Variants in RABGAP1L observed in about 807,000 individuals in gnomAD.
RABGAP1L encodes RAB GTPase activating protein 1 like, also known as rab GTPase-activating protein 1-like.
A neutral mutation model predicts 137.7 loss-of-function variants in RABGAP1L; 63 were observed. That is an observed-to-expected ratio of 0.46 (90% CI 0.37 to 0.56). RABGAP1L has a LOEUF of 0.56. RABGAP1L is among the 20% of genes least tolerant of loss of function. The pLI is 0.00. For synonymous variants in RABGAP1L, 431 were observed against 433.7 expected (o/e 0.99, Z 0.08); for missense variants, 1,095 against 1,244.0 (o/e 0.88, Z 1.80).
chr1:174,787,415 A>T (rs940987239), intron 18 of RABGAP1L, among the ~76,000 whole-genome samples: 9 of 152,136 alleles, frequency 5.9e-5, no homozygotes, highest in Admixed American at 2.6e-4. Flanking sequence ...AAAAAAAAAA[A>T]AAAAAATAAG....
intron 14 of RABGAP1L, among the ~76,000 whole-genome samples, chr1:174,646,426 A>T (rs529991539): frequency 6.6e-6 from 1 of 152,278 alleles, no homozygotes; most frequent in East Asian, 1.9e-4. Context: ...AGTTTTCTGC[A>T]TATGGCTAGC....
intron 4 of RABGAP1L, among the ~76,000 whole-genome samples, chr1:174,239,542 ACT>A (rs1451853527): frequency 6.6e-6 from 1 of 150,962 alleles, no homozygotes; most frequent in East Asian, 1.9e-4. Context: ...ATATCATGTA[ACT>A]CTCTTTCCTC....
chr1:174,946,984 ATATATG>A (rs1666982581), intron 19 of RABGAP1L, among the ~76,000 whole-genome samples: 1 of 127,894 alleles, frequency 7.8e-6, no homozygotes, highest in African/African-American at 3.0e-5. Context: ...GTGTGTGTAT[ATATATG>A]TATATATATA....
At chr1:174,189,773 A>G (rs2148331658) in intron 1 of RABGAP1L, among the ~76,000 whole-genome samples, 1 of 152,228 alleles carries the variant, frequency 6.6e-6, no homozygotes, top group Non-Finnish European at 1.5e-5. Context: ...GTTTGAGACC[A>G]GTCTGGGCAA....
intron 19 of RABGAP1L, among the ~76,000 whole-genome samples, chr1:174,852,546 G>C (rs779029431): frequency 4.6e-5 from 7 of 152,174 alleles, no homozygotes; most frequent in African/African-American, 1.7e-4. Context: ...GGGCATGGTG[G>C]CTCACACCTG....
chr1:174,371,993 C>T (rs1685148700), intron 12 of RABGAP1L, among the ~76,000 whole-genome samples: 1 of 152,032 alleles, frequency 6.6e-6, no homozygotes, highest in African/African-American at 2.4e-5. Context: ...TTAGGTTTAT[C>T]AAATTTGGAC....
At chr1:174,973,434 G>C (rs952664701) in intron 21 of RABGAP1L, among the ~76,000 whole-genome samples, 2 of 148,550 alleles carry the variant, frequency 1.3e-5, no homozygotes, top group African/African-American at 2.5e-5. Context: ...GTCCAGGCTG[G>C]AGTGCAATAG....
At chr1:174,915,629 G>A (rs533812200) in intron 19 of RABGAP1L, among the ~76,000 whole-genome samples, 1 of 152,248 alleles carries the variant, frequency 6.6e-6, no homozygotes, top group Admixed American at 6.5e-5. Flanking sequence ...GCTAATTTTT[G>A]TATTTTTAGT....
chr1:174,493,359 T>C (rs1478362019), intron 13 of RABGAP1L, among the ~76,000 whole-genome samples: 1 of 150,930 alleles, frequency 6.6e-6, no homozygotes, highest in East Asian at 2.0e-4. Context: ...GAGAAAAATA[T>C]ATAAGAAAAT....
intron 13 of RABGAP1L, among the ~76,000 whole-genome samples, chr1:174,599,990 A>G (rs529867885): frequency 6.6e-6 from 1 of 152,148 alleles, no homozygotes; most frequent in Non-Finnish European, 1.5e-5. Flanking sequence ...GCTGATAAAG[A>G]CATACCCAAG....
At chr1:174,819,187 TAA>T (rs71299431) in intron 19 of RABGAP1L, among the ~76,000 whole-genome samples, 37 of 44,862 alleles carry the variant, frequency 8.2e-4, no homozygotes, top group African/African-American at 9.5e-4. Context: ...TGCCTGTCTC[TAA>T]AAAAAAAAAA....
intron 14 of RABGAP1L, among the ~76,000 whole-genome samples, chr1:174,666,648 T>G (rs938734901): frequency 6.6e-6 from 1 of 152,220 alleles, no homozygotes; most frequent in Non-Finnish European, 1.5e-5. Context: ...TCATTCTTTC[T>G]GTGAGTCTGA....
At chr1:174,610,176 G>C (rs1272682698) in intron 13 of RABGAP1L, among the ~76,000 whole-genome samples, 1 of 150,020 alleles carries the variant, frequency 6.7e-6, no homozygotes, top group Admixed American at 6.7e-5. Context: ...TTTAGCATTA[G>C]GTATATCTCC....
chr1:174,911,831 G>C (rs1348862696), intron 19 of RABGAP1L, among the ~76,000 whole-genome samples: 1 of 152,138 alleles, frequency 6.6e-6, no homozygotes, highest in Non-Finnish European at 1.5e-5. Flanking sequence ...CAGAGTTTTG[G>C]ATATGCTCCA....
At chr1:174,534,668 G>A (rs1384684403) in intron 13 of RABGAP1L, among the ~76,000 whole-genome samples, 3 of 150,442 alleles carry the variant, frequency 2.0e-5, no homozygotes, top group East Asian at 2.0e-4. Context: ...GCATCTACTC[G>A]GGAGGCTGAG....
chr1:174,706,973 C>G (rs1680096036), intron 17 of RABGAP1L, among the ~76,000 whole-genome samples: 1 of 152,108 alleles, frequency 6.6e-6, no homozygotes. Flanking sequence ...TTTCTAGTTT[C>G]CAGAAGGCCA....
chr1:174,206,708 G>A (rs934079754), intron 1 of RABGAP1L, among the ~76,000 whole-genome samples: 6 of 152,156 alleles, frequency 3.9e-5, no homozygotes, highest in African/African-American at 1.2e-4. Flanking sequence ...ATTAGATCAC[G>A]TGCACTGTGA....
chr1:174,513,460 A>G (rs528472335), intron 13 of RABGAP1L, among the ~76,000 whole-genome samples: 1 of 152,046 alleles, frequency 6.6e-6, no homozygotes, highest in East Asian at 1.9e-4. Context: ...TTAAAATAAA[A>G]AAAAATAGCC....
chr1:174,774,654 C>T lies in RABGAP1L; in HGVS notation c.2211+22300C>T, dbSNP rs758433539. Among the ~76,000 whole-genome samples, 8 of 151,184 alleles carry T rather than the reference C, an allele frequency of 5.3e-5. 1 individual carries two copies. In the South Asian group the frequency reaches 1.5e-3, roughly 28 times the overall value. On this transcript the variant is annotated intron_variant, in intron 18 of 25. Transcript: ENST00000681986. ...CAGCACTTTGGCAGGGCAAGGCAAG[C>T]GGATCGCTTGAGTCTAGGAGTTTGA...
Sources: gnomAD v4.1 joint callset for allele counts (sites outside exome capture counted in the v4.1 genomes callset) on GRCh38, gnomAD v4.1.1 for gene constraint, MANE v1.5 for transcripts, NCBI Gene and HGNC (gene_info 2026-07-23, HGNC 2026-07-21) for gene names.